The following SLC35A5 variants were observed in gnomAD, a reference collection of about 807,000 sequenced individuals.
SLC35A5 encodes UDP-sugar transporter protein SLC35A5.
In SLC35A5, 28 loss-of-function variants were observed where a neutral mutation model predicts 36.3. The ratio of observed to expected loss-of-function variants is 0.77; its 90% confidence interval spans 0.57 to 1.06. SLC35A5 has a LOEUF of 1.06. Among genes scored for constraint, SLC35A5 ranks in the 50% least tolerant of loss-of-function variants. The pLI is 0.00. For missense variants in SLC35A5, 521 were observed against 499.3 expected (o/e 1.04, Z -0.41); for synonymous variants, 180 against 173.7 (o/e 1.04, Z -0.29).
intron 3 of SLC35A5, among the ~76,000 whole-genome samples, chr3:112,570,100 A>T (rs561818226): frequency 6.6e-6 from 1 of 152,352 alleles, no homozygotes; most frequent in African/African-American, 2.4e-5. Flanking sequence ...ATAATAACTG[A>T]CAGGATTACT....
At position 112,580,530 on chromosome 3, in the gene SLC35A5, T is replaced by C. The variant is rs747928052; in HGVS notation, c.429-16T>C. On this transcript the variant is annotated splice_polypyrimidine_tract_variant and intron_variant, in intron 5 of 6. Transcript: ENST00000492406. ...GGGAAAACAGTAGTAAAATCTTTTT[T>C]TTCATCTTTGAACAGGAGGCGTCTA... is the stretch of plus-strand genomic sequence containing the variant. 1 of 1,570,426 alleles carries C rather than the reference T, an allele frequency of 6.4e-7. No individual in the cohort carries two copies. Among genetic ancestry groups the C allele is most frequent in the Non-Finnish European group, 8.6e-7 (1 of 1,162,980 alleles).
chr3:112,580,994 A>C lies in SLC35A5; in HGVS notation c.877A>C (p.Ile293Leu). 1 of 1,614,164 alleles carries C rather than the reference A, an allele frequency of 6.2e-7. No homozygotes were observed. The highest frequency in any genetic ancestry group is 1.3e-5 in the African/African-American group (1 of 75,066). Residue 293 changes from isoleucine to leucine, a missense_variant, in exon 6 of 7, where the codon ATT becomes CTT. Ile to Leu is a conservative substitution (Grantham distance 5, BLOSUM62 2). Coordinates refer to ENST00000492406, the MANE Select transcript of SLC35A5 (RefSeq NM_017945.5). ...CCTTCAGAGGAGTAACCGTGATCAG[A>C]TTAAGAACTGTGGATTTTTTTATGG... ...LGLQRSNRDQ[I>L]KNCGFFYGHS...
chr3:112,579,809 C>T (rs927954663), intron 5 of SLC35A5, among the ~76,000 whole-genome samples: 1 of 152,150 alleles, frequency 6.6e-6, no homozygotes, highest in African/African-American at 2.4e-5. Flanking sequence ...TTTATCGCCC[C>T]AGGTTGCCTG....
intron 4 of SLC35A5, among the ~76,000 whole-genome samples, chr3:112,572,525 A>G (rs1934493108): frequency 6.6e-6 from 1 of 152,188 alleles, no homozygotes; most frequent in South Asian, 2.1e-4. Flanking sequence ...GTATTTTATC[A>G]CAGATTCACT....
intron 4 of SLC35A5, 80 bp from the exon 5 acceptor site, chr3:112,573,809 T>C: frequency 8.5e-7 from 1 of 1,176,070 alleles, no homozygotes; most frequent in Non-Finnish European, 1.2e-6. Context: ...GCTTTTTTTG[T>C]CAGGTGAACT....
chr3:112,574,037 G>T, intron 5 of SLC35A5, 81 bp downstream of exon 5: 1 of 1,244,436 alleles, frequency 8.0e-7, no homozygotes, highest in South Asian at 1.3e-5. Context: ...AGAACACTGA[G>T]CCGTCAGAAT....
At chr3:112,562,576 T>G (rs757958980) in intron 1 of SLC35A5, among the ~76,000 whole-genome samples, 4 of 152,240 alleles carry the variant, frequency 2.6e-5, no homozygotes, top group Non-Finnish European at 4.4e-5. Context: ...GGCCTTAGAT[T>G]CATTGATTTC....
upstream of SLC35A5, chr3:112,561,673 A>C: frequency 1.2e-5 from 9 of 776,890 alleles, no homozygotes; most frequent in East Asian, 3.0e-5. Context: ...ACGCGACGCG[A>C]CGGGACGGGC....
intron 3 of SLC35A5, 91 bp downstream of exon 3, chr3:112,569,360 C>T: frequency 1.0e-6 from 1 of 979,474 alleles, no homozygotes; most frequent in South Asian, 1.5e-5. Flanking sequence ...TTAGCTTAGT[C>T]CATTAAATTT....
intron 4 of SLC35A5, among the ~76,000 whole-genome samples, chr3:112,572,884 TCACAG>T: frequency 6.6e-6 from 1 of 152,360 alleles, no homozygotes; most frequent in Non-Finnish European, 1.5e-5. Context: ...TTTCCACACT[TCACAG>T]CCACTTTCCT....
intron 2 of SLC35A5, among the ~76,000 whole-genome samples, chr3:112,567,460 T>G (rs1317122851): frequency 6.6e-6 from 1 of 151,946 alleles, no homozygotes; most frequent in Non-Finnish European, 1.5e-5. Flanking sequence ...GCTCAGCTAT[T>G]TTTTTGTATT....
At chr3:112,561,552 C>A, upstream of SLC35A5, 2 of 1,601,352 alleles carry the variant, frequency 1.2e-6, no homozygotes, top group Non-Finnish European at 8.5e-7. Flanking sequence ...TAGCGGCCGG[C>A]CCCGCGACGG....
At chr3:112,565,044 A>G (rs1934132685) in intron 2 of SLC35A5, among the ~76,000 whole-genome samples, 1 of 152,270 alleles carries the variant, frequency 6.6e-6, no homozygotes, top group East Asian at 1.9e-4. Flanking sequence ...ATGACCTTTA[A>G]TGGTCTACTA....
intron 2 of SLC35A5, among the ~76,000 whole-genome samples, chr3:112,567,591 C>T (rs1362691751): frequency 1.3e-5 from 2 of 152,224 alleles, no homozygotes; most frequent in African/African-American, 2.4e-5. Flanking sequence ...AGGCATGAGC[C>T]ACTGCACCCA....
chr3:112,567,269 C>G (rs1934239390), intron 2 of SLC35A5, among the ~76,000 whole-genome samples: 1 of 151,750 alleles, frequency 6.6e-6, no homozygotes, highest in Non-Finnish European at 1.5e-5. Flanking sequence ...AAAAGATACA[C>G]TAAAGCCAAA....
rs1380330074 is a variant in SLC35A5, at chr3:112,581,621, T to C, written c.1209+295T>C. On this transcript the variant is annotated intron_variant, in intron 6 of 6. Coordinates refer to ENST00000492406, the MANE Select transcript of SLC35A5 (RefSeq NM_017945.5). ...ACCTCACAGGTTGTCTTGTCCTGTC[T>C]GCATAGTTTTACAAGAAACAGGCAA... Among the ~76,000 whole-genome samples, 3 of 152,050 alleles carry C rather than the reference T, an allele frequency of 2.0e-5. No individual in the cohort carries two copies. In the South Asian group the frequency reaches 6.2e-4, roughly 31 times the overall value.
chr3:112,578,779 G>C (rs1358221641), intron 5 of SLC35A5, among the ~76,000 whole-genome samples: 1 of 151,960 alleles, frequency 6.6e-6, no homozygotes, highest in African/African-American at 2.4e-5. Context: ...TATAGCTCTA[G>C]AAAACTTTTA....
At chr3:112,569,661 A>G (rs1934353629) in intron 3 of SLC35A5, among the ~76,000 whole-genome samples, 1 of 152,262 alleles carries the variant, frequency 6.6e-6, no homozygotes, top group Admixed American at 6.5e-5. Flanking sequence ...GTGCACAGGC[A>G]TCAAAGAGAC....
At chr3:112,570,265 C>G (rs1432331640) in intron 3 of SLC35A5, among the ~76,000 whole-genome samples, 1 of 150,304 alleles carries the variant, frequency 6.7e-6, no homozygotes, top group Non-Finnish European at 1.5e-5. Context: ...GCCTTATGCT[C>G]TTACAGCAGC....
Sources: gnomAD v4.1 joint callset for allele counts (sites outside exome capture counted in the v4.1 genomes callset) on GRCh38, gnomAD v4.1.1 for gene constraint, MANE v1.5 for transcripts, NCBI Gene and HGNC (gene_info 2026-07-23, HGNC 2026-07-21) for gene names.